Variants in SPEN observed in about 807,000 individuals in gnomAD.
SPEN encodes msx2-interacting protein.
SPEN carries 18 observed loss-of-function variants against 269.9 expected under a neutral mutation model. The ratio of observed to expected loss-of-function variants is 0.07; its 90% CI spans 0.05 to 0.10. The LOEUF is 0.10. SPEN is among the 10% of genes least tolerant of loss of function. The pLI, the probability that SPEN is intolerant of heterozygous loss-of-function variation, is 1.00. For synonymous variants in SPEN, 1,726 were observed against 1,765.7 expected, an observed-to-expected ratio of 0.98 and a Z score of 0.56; for missense variants, 3,822 against 4,631.2, an observed-to-expected ratio of 0.83 and a Z score of 5.07.
intron 3 of SPEN, among the ~76,000 whole-genome samples, chr1:15,891,176 G>A (rs1192342149): frequency 6.6e-6 from 1 of 152,028 alleles, no homozygotes; most frequent in Non-Finnish European, 1.5e-5. Context: ...TAGCACATTT[G>A]GAAATAATTG....
chr1:15,869,563 CATTTATTGTCTCTACTGT>C (rs2070552098), intron 1 of SPEN, among the ~76,000 whole-genome samples: 1 of 150,296 alleles, frequency 6.7e-6, no homozygotes, highest in African/African-American at 2.5e-5. Context: ...CCAGCACAAA[CATTTATTGTCTCTACTGT>C]ATTTATTTAT....
chr1:15,932,987 C>T lies in SPEN; in HGVS notation c.6747C>T (p.Pro2249=), dbSNP rs747051782. The change falls in exon 11 of 15, where the codon CCC becomes CCT. Residue 2249 remains proline (P), a synonymous_variant. Coordinates refer to ENST00000375759, the MANE Select transcript of SPEN (RefSeq NM_015001.3). The surrounding 1 kb of genome is among the most constrained non-coding windows in gnomAD (Gnocchi z 4.2). ...YPGESQTDLQ[P]PAGAQALQPS... The stretch of plus-strand genomic sequence containing the variant: ...GAGAATCCCAGACAGATCTGCAACC[C>T]CCCGCAGGTGCACAGGCGCTGCAGC... The T allele has an allele frequency of 1.2e-5, 20 of 1,614,080 alleles. No individual in the cohort carries two copies. The East Asian group carries it at 3.1e-4, about 25-fold the overall frequency.
Position 15,932,044 on chromosome 1 carries a change from A to G in SPEN, c.5804A>G (p.Glu1935Gly). Reference protein sequence around the residue: ...EQPRVTRKRLERELQEAAAVP... With the variant: ...EQPRVTRKRLGRELQEAAAVP... ...CCAAGAGTGACCAGAAAGAGATTGGAGCGAGAGCTTCAGGAGGCTGCAGCG... is the reference window on the plus strand; with the variant it reads ...CCAAGAGTGACCAGAAAGAGATTGGGGCGAGAGCTTCAGGAGGCTGCAGCG... Residue 1935 changes from glutamate (E) to glycine (G), a missense_variant, in exon 11 of 15, where the codon GAG becomes GGG. Transcript: ENST00000375759. This position sits in a 1 kb window ranked among gnomAD's most constrained non-coding sequence, Gnocchi z 4.2. The G allele has an allele frequency of 6.2e-7, 1 of 1,614,228 alleles. No individual in the cohort carries two copies. Among genetic ancestry groups the G allele is most frequent in the Non-Finnish European group, 8.5e-7 (1 of 1,180,048 alleles).
chr1:15,891,646 G>A (rs1264334369), intron 3 of SPEN, among the ~76,000 whole-genome samples: 2 of 151,796 alleles, frequency 1.3e-5, no homozygotes, highest in Non-Finnish European at 2.9e-5. Context: ...CACCGCGCCC[G>A]GCCTTGTTTT....
Position 15,928,741 on chromosome 1 carries a change from A to G in SPEN, c.2501A>G (p.Gln834Arg). 2.5e-6 allele frequency: 4 copies of G among 1,614,172 alleles called. No individual in the cohort carries two copies. Among genetic ancestry groups the G allele is most frequent in the Middle Eastern group, 1.7e-4 (1 of 6,060 alleles). ...GGAAAGGTTCACTCCCCTAGTTCTC[A>G]GTCTTCAGAAACGGACCAAGAAAAT... ...RKGKVHSPSS[Q>R]SSETDQENER... is the part of the protein sequence containing the mutation. Residue 834 changes from glutamine (Q) to arginine (R), a missense_variant, in exon 11 of 15, where the codon CAG (glutamine) becomes CGG (arginine). Around this residue, in one of 16 missense-constraint regions of SPEN, gnomAD observed 572 missense variants for 582.6 expected, o/e 0.98. Coordinates refer to ENST00000375759, the MANE Select transcript of SPEN (RefSeq NM_015001.3). The surrounding 1 kb of genome is among the most constrained non-coding windows in gnomAD (Gnocchi z 5.7).
Position 15,848,162 on chromosome 1 carries a change from G to C in SPEN, c.83+12G>C, listed in dbSNP as rs755716858. The stretch of plus-strand genomic sequence containing the variant: ...GAGCATTTCAAACGGTGAGTGACAC[G>C]AGGCCCGCGGCCGCGCTCGCTCCTC... On this transcript the variant is annotated intron_variant, in intron 1 of 14. Coordinates refer to ENST00000375759, the MANE Select transcript of SPEN (RefSeq NM_015001.3). This position sits in a 1 kb window ranked among gnomAD's most constrained non-coding sequence, Gnocchi z 5.1. The C allele has an allele frequency of 1.4e-6, 2 of 1,453,522 alleles. No individual in the cohort carries two copies. Among genetic ancestry groups the C allele is most frequent in the Admixed American group, 4.5e-5 (2 of 44,330 alleles). 90.0% of individuals were successfully genotyped at this position (1,453,522 alleles called of 1,614,324 possible).
At position 15,932,621 on chromosome 1, in the gene SPEN, C is replaced by T. The variant is rs1326029599; in HGVS notation, c.6381C>T (p.Pro2127=). 6 of 1,610,042 alleles carry T rather than the reference C, an allele frequency of 3.7e-6. No individual in the cohort carries two copies. The highest frequency in any genetic ancestry group is 1.3e-5 in the African/African-American group (1 of 74,690). Residue 2127 remains proline (P), a synonymous_variant, in exon 11 of 15, where the codon CCC becomes CCT. Transcript: ENST00000375759. The surrounding 1 kb of genome is among the most constrained non-coding windows in gnomAD (Gnocchi z 4.2). ...TCTCCCCTGAGAAAAGTGAGAGTCC[C>T]CAAAAGGAGGATGGTTTATCATCCC... The part of the protein sequence containing the change: ...VAVSPEKSES[P]QKEDGLSSQL...
intron 1 of SPEN, among the ~76,000 whole-genome samples, chr1:15,853,326 A>G (rs2070354751): frequency 6.6e-6 from 1 of 151,080 alleles, no homozygotes; most frequent in South Asian, 2.1e-4. Flanking sequence ...AGCTGGGACT[A>G]CAGGCCCGTG....
chr1:15,933,134 C>T lies in SPEN; in HGVS notation c.6894C>T (p.Thr2298=), dbSNP rs747289189. Residue 2298 remains threonine (T), a synonymous_variant, in exon 11 of 15, where the codon ACC becomes ACT. Coordinates refer to ENST00000375759, the MANE Select transcript of SPEN (RefSeq NM_015001.3). The surrounding 1 kb of genome is among the most constrained non-coding windows in gnomAD (Gnocchi z 5.7). The part of the protein sequence containing the change: ...APDPSAGPTD[T]KEARGNSSET... ...ACCCCTCAGCCGGCCCAACAGATAC[C>T]AAGGAAGCCAGAGGAAATAGCAGTG... 3 of 1,614,118 alleles carry T rather than the reference C, an allele frequency of 1.9e-6. No individual in the cohort carries two copies. Among genetic ancestry groups the T allele is most frequent in the South Asian group, 1.1e-5 (1 of 91,084 alleles).
At chr1:15,883,074 C>A (rs1317440131) in intron 3 of SPEN, among the ~76,000 whole-genome samples, 1 of 152,206 alleles carries the variant, frequency 6.6e-6, no homozygotes, top group African/African-American at 2.4e-5. Context: ...AAGCTTTCTT[C>A]TTAAATAGAT....
chr1:15,849,758 C>T (rs2070314952), intron 1 of SPEN, among the ~76,000 whole-genome samples: 1 of 152,124 alleles, frequency 6.6e-6, no homozygotes, highest in Admixed American at 6.6e-5. Flanking sequence ...CTCCTGGCTT[C>T]TCCTCGAGTA....
At chr1:15,909,518 C>T in intron 4 of SPEN, 37 bp downstream of exon 4, 2 of 1,583,730 alleles carry the variant, frequency 1.3e-6, no homozygotes, top group Non-Finnish European at 1.7e-6. Context: ...CTCTGTGCTA[C>T]TACTGAGGAA....
intron 3 of SPEN, among the ~76,000 whole-genome samples, chr1:15,890,519 C>T (rs987009790): frequency 3.3e-5 from 5 of 151,006 alleles, no homozygotes; most frequent in Non-Finnish European, 4.4e-5. Context: ...CATGAGCCAC[C>T]GTGCCCGGCC....
chr1:15,917,942 A>G (rs1292392060), intron 6 of SPEN: 1 of 152,240 alleles, frequency 6.6e-6, no homozygotes, highest in African/African-American at 2.4e-5. Flanking sequence ...GATAGGTATG[A>G]CAGCCCCACC....
Position 15,937,065 on chromosome 1 carries a change from C to G in SPEN, c.10027-98C>G. The stretch of plus-strand genomic sequence containing the variant: ...CCTGACTTAACGGGAGATGCCACAT[C>G]TTATCCTTTCCCTGTGGCCCTTTGG... On this transcript the variant is annotated intron_variant, in intron 11 of 14. Transcript: ENST00000375759. This position sits in a 1 kb window ranked among gnomAD's most constrained non-coding sequence, Gnocchi z 5.7. 6.7e-7 allele frequency: 1 copy of G among 1,501,514 alleles called. No homozygotes were observed. Among genetic ancestry groups the G allele is most frequent in the Non-Finnish European group, 9.0e-7 (1 of 1,114,242 alleles). The allele number at this position is 1,501,514 out of a possible 1,614,324, so 93.0% of individuals were successfully genotyped here.
intron 5 of SPEN, among the ~76,000 whole-genome samples, chr1:15,913,704 C>T (rs796917801): frequency 1.1e-4 from 16 of 151,914 alleles, no homozygotes; most frequent in African/African-American, 3.9e-4. Flanking sequence ...GCCTGGGCAA[C>T]AAAGGGAGAC....
At chr1:15,871,483 G>A (rs2070574556) in intron 1 of SPEN, among the ~76,000 whole-genome samples, 1 of 151,658 alleles carries the variant, frequency 6.6e-6, no homozygotes, top group African/African-American at 2.4e-5. Flanking sequence ...TGGGATTACA[G>A]ATGTGTACTA....
chr1:15,929,053 A>C lies in SPEN; in HGVS notation c.2813A>C (p.Lys938Thr). Residue 938 changes from lysine (K) to threonine (T), a missense_variant, in exon 11 of 15, where the codon AAA becomes ACA. Physicochemically the swap from Lys to Thr is moderately conservative, Grantham distance 78 (BLOSUM62 -1). Coordinates refer to ENST00000375759, the MANE Select transcript of SPEN (RefSeq NM_015001.3). The surrounding 1 kb of genome is among the most constrained non-coding windows in gnomAD (Gnocchi z 5.8). Reference protein sequence around the residue: ...DLSKLESVRMKVPKEKGLSSH... With the variant: ...DLSKLESVRMTVPKEKGLSSH... ...TCTAAACTGGAATCAGTTAGAATGA[A>C]AGTACCAAAGGAAAAGGGGCTTTCA... is the stretch of plus-strand genomic sequence containing the variant. 6.2e-7 allele frequency: 1 copy of C among 1,614,208 alleles called. No homozygotes were observed.
intron 8 of SPEN, 50 bp downstream of exon 8, chr1:15,919,567 T>C: frequency 8.8e-7 from 1 of 1,132,894 alleles, no homozygotes; most frequent in Admixed American, 2.5e-5. Flanking sequence ...TCACTCGTCT[T>C]GGTATTCTCT....
Sources: gnomAD v4.1 joint callset for allele counts (sites outside exome capture counted in the v4.1 genomes callset) on GRCh38, gnomAD v4.1.1 for gene constraint, gnomAD v4.1.1 regional missense constraint, Gnocchi (gnomAD v3.1) non-coding constraint, MANE v1.5 for transcripts, NCBI Gene and HGNC (gene_info 2026-07-23, HGNC 2026-07-21) for gene names.